TTC23L: variants seen among roughly 807,000 people sequenced by gnomAD.
The protein encoded by TTC23L is tetratricopeptide repeat protein 23-like.
A neutral mutation model predicts 48.1 loss-of-function variants in TTC23L; 42 were observed. The ratio of observed to expected loss-of-function variants is 0.87; its 90% CI spans 0.68 to 1.13. The LOEUF is 1.13. Ranked by LOEUF, TTC23L falls within the 50% of genes most tolerant of loss-of-function variation. TTC23L has a pLI of 0.00. For synonymous variants in TTC23L, 159 were observed against 157.2 expected (o/e 1.01, Z -0.09); for missense variants, 391 against 421.0 (o/e 0.93, Z 0.62).
At chr5:34,885,265 A>G (rs1365680423) in intron 9 of TTC23L, among the ~76,000 whole-genome samples, 1 of 152,222 alleles carries the variant, frequency 6.6e-6, no homozygotes, top group East Asian at 1.9e-4. Flanking sequence ...ACTAAATGCA[A>G]TACATGATGA....
chr5:34,925,560 C>T, the TTC23L span: 6 of 1,358,910 alleles, frequency 4.4e-6, no homozygotes, highest in East Asian at 2.5e-5. Flanking sequence ...TGTGTAAATA[C>T]TTTTATTATC....
the TTC23L span, chr5:34,915,974 A>G: frequency 1.4e-6 from 2 of 1,435,254 alleles, no homozygotes; most frequent in Non-Finnish European, 1.8e-6. Flanking sequence ...ACTTGACTAC[A>G]GCCTTGCTTA....
At chr5:34,879,551 T>C (rs1276748630) in intron 8 of TTC23L, among the ~76,000 whole-genome samples, 4 of 152,200 alleles carry the variant, frequency 2.6e-5, no homozygotes, top group Non-Finnish European at 5.9e-5. Flanking sequence ...GCTAAAAATA[T>C]AGTCTTGCAG....
In TTC23L at chr5:34,862,887, A is replaced by G. The variant is rs373203201; in HGVS notation, c.380-11A>G. On this transcript the variant is annotated splice_polypyrimidine_tract_variant and intron_variant, in intron 4 of 10. Coordinates refer to ENST00000505624, the Ensembl canonical transcript of TTC23L. ...TCTGTCTTCTTGCTCCTCACCCTCT[A>G]ACTCCCCCAGGCCTCCCAGTTCAGG... is the stretch of plus-strand genomic sequence containing the variant. 5 of 1,613,422 alleles carry G rather than the reference A, an allele frequency of 3.1e-6. No homozygotes were observed. Among genetic ancestry groups the G allele is most frequent in the African/African-American group, 2.7e-5 (2 of 74,968 alleles).
intron 5 of TTC23L, 127 bp from the exon 6 acceptor site, chr5:34,864,310 C>A: frequency 8.7e-7 from 1 of 1,153,396 alleles, no homozygotes. Flanking sequence ...AAATAAAGAA[C>A]ATAGTTAAGT....
At chr5:34,898,573 G>A (rs1763370739) in intron 10 of TTC23L, among the ~76,000 whole-genome samples, 1 of 152,096 alleles carries the variant, frequency 6.6e-6, no homozygotes, top group Non-Finnish European at 1.5e-5. Flanking sequence ...AGACCCCTGG[G>A]CAACTAACTT....
the TTC23L span, chr5:34,913,499 A>G: frequency 1.9e-6 from 3 of 1,595,022 alleles, no homozygotes; most frequent in Non-Finnish European, 2.6e-6. Context: ...AAAAATAGAT[A>G]AACAGTCTAA....
chr5:34,847,319 G>A lies in TTC23L; in HGVS notation c.255+1646G>A, dbSNP rs144520922. Among the ~76,000 whole-genome samples the A allele has an allele frequency of 5.9e-5, 9 of 152,310 alleles. No homozygotes were observed. The East Asian group carries it at 1.5e-3, about 26-fold the overall frequency. On this transcript the variant is annotated intron_variant, in intron 3 of 10. Coordinates refer to ENST00000505624, the Ensembl canonical transcript of TTC23L. Reference sequence around the variant, plus strand: ...ACACAAGTACCATCTGCCATGGAGTGTAAGTGGGGGTTTTCAAGGCTTAAA... The same window carrying A: ...ACACAAGTACCATCTGCCATGGAGTATAAGTGGGGGTTTTCAAGGCTTAAA...
At chr5:34,871,312 AGCCCCATCCCT>A in intron 8 of TTC23L, among the ~76,000 whole-genome samples, 1 of 148,960 alleles carries the variant, frequency 6.7e-6, no homozygotes, top group South Asian at 2.2e-4. Context: ...AAATCACAAT[AGCCCCATCCCT>A]GCAAATGAAA....
downstream of TTC23L, among the ~76,000 whole-genome samples, chr5:34,902,242 C>T (rs561185187): frequency 1.3e-5 from 2 of 151,948 alleles, no homozygotes; most frequent in Non-Finnish European, 2.9e-5. Flanking sequence ...CTGGCCAACA[C>T]GGCTCTCTAC....
At chr5:34,901,958 A>G (rs1465288859), downstream of TTC23L, among the ~76,000 whole-genome samples, 1 of 152,232 alleles carries the variant, frequency 6.6e-6, no homozygotes, top group African/African-American at 2.4e-5. Context: ...GTTTATGAAG[A>G]AAATCCTTAG....
intron 8 of TTC23L, among the ~76,000 whole-genome samples, chr5:34,877,221 A>T (rs1761912154): frequency 6.6e-6 from 1 of 152,188 alleles, no homozygotes; most frequent in Non-Finnish European, 1.5e-5. Context: ...ACATAATCAT[A>T]TCAATAGATG....
At chr5:34,857,408 C>T (rs1760219159) in intron 4 of TTC23L, among the ~76,000 whole-genome samples, 1 of 152,116 alleles carries the variant, frequency 6.6e-6, no homozygotes. Context: ...AAAAAGAAGC[C>T]TAAGTCATGC....
chr5:34,914,444 T>G, the TTC23L span: 7 of 489,506 alleles, frequency 1.4e-5, no homozygotes, highest in African/African-American at 1.4e-4. Context: ...TTAATAAACT[T>G]TAGTCATTAC....
At chr5:34,880,610 A>G (rs868831747) in intron 9 of TTC23L, 12 of 428,752 alleles carry the variant, frequency 2.8e-5, no homozygotes, top group South Asian at 1.9e-4. Flanking sequence ...ATTGGCAGCC[A>G]TATGTTTGCT....
At chr5:34,915,171 T>C in the TTC23L span, among the ~76,000 whole-genome samples, 1 of 152,014 alleles carries the variant, frequency 6.6e-6, no homozygotes, top group Non-Finnish European at 1.5e-5. Flanking sequence ...ACGTGAAAAG[T>C]TGTGAAGAAT....
chr5:34,916,731 G>A, the TTC23L span: 2 of 152,350 alleles, frequency 1.3e-5, no homozygotes, highest in African/African-American at 4.8e-5. Flanking sequence ...CGGAGTAGGT[G>A]ATAAGTAAAT....
the TTC23L span, chr5:34,908,805 T>C: frequency 3.1e-6 from 5 of 1,611,306 alleles, no homozygotes; most frequent in South Asian, 1.1e-5. Flanking sequence ...AGGGCAGCAG[T>C]AATATTCCAC....
Position 34,852,370 on chromosome 5 carries a change from T to C in TTC23L, c.379+2062T>C, listed in dbSNP as rs111858703. Among the ~76,000 whole-genome samples, 906 of 152,256 alleles carry C rather than the reference T, an allele frequency of 6.0e-3. 9 individuals carry two copies. The highest frequency in any genetic ancestry group is 0.021 in the African/African-American group (854 of 41,544). ...GACACCTTAGGACAGACAGCTCATG[T>C]TTGGAAATGGGACTGAAAAGGTAAT... On this transcript the variant is annotated intron_variant, in intron 4 of 10. Transcript: ENST00000505624.
Sources: allele counts gnomAD v4.1 joint callset (sites outside exome capture counted in the v4.1 genomes callset), GRCh38; gene constraint gnomAD v4.1.1; transcripts MANE v1.5; gene names NCBI Gene and HGNC (gene_info 2026-07-23, HGNC 2026-07-21).